Variants in ABCF1 observed in about 807,000 individuals in gnomAD.
The protein encoded by ABCF1 is ATP-binding cassette sub-family F member 1.
ABCF1 carries 73 observed loss-of-function variants against 126.3 expected under a neutral mutation model. That is an observed-to-expected ratio of 0.58 (90% confidence interval 0.48 to 0.70). ABCF1 has a LOEUF of 0.70. Among genes scored for constraint, ABCF1 ranks in the 30% least tolerant of loss-of-function variants. The probability of loss-of-function intolerance (pLI) is 0.00; values close to 1 mark genes in which losing one functional copy is unlikely to be tolerated. For missense variants in ABCF1, 786 were observed against 1,057.5 expected (o/e 0.74, Z 3.56); for synonymous variants, 345 against 396.4 (o/e 0.87, Z 1.54).
chr6:30,579,840 C>T (rs567078226), intron 6 of ABCF1, 91 bp from the exon 7 acceptor site: 4 of 1,287,974 alleles, frequency 3.1e-6, no homozygotes, highest in South Asian at 1.4e-5. Context: ...GTATGGTTAA[C>T]ACAGTAGACT....
intron 8 of ABCF1, among the ~76,000 whole-genome samples, 177 bp from the exon 9 acceptor site, chr6:30,582,217 C>T (rs1330672020): frequency 3.9e-5 from 6 of 151,948 alleles, no homozygotes; most frequent in Non-Finnish European, 8.8e-5. Context: ...CCACCACGTC[C>T]GGCTAATTTT....
chr6:30,587,288 C>T (rs781440942), intron 20 of ABCF1, among the ~76,000 whole-genome samples: 1 of 150,978 alleles, frequency 6.6e-6, no homozygotes, highest in Non-Finnish European at 1.5e-5. Flanking sequence ...TGGTGGCCCA[C>T]GCCTATAATC....
intron 8 of ABCF1, among the ~76,000 whole-genome samples, chr6:30,582,138 G>A (rs917640179): frequency 2.0e-5 from 3 of 151,512 alleles, no homozygotes; most frequent in African/African-American, 4.9e-5. Flanking sequence ...CTCACTGCAA[G>A]CTCCTCCTCC....
chr6:30,572,732 C>T (rs1428135947), intron 1 of ABCF1, among the ~76,000 whole-genome samples: 1 of 152,176 alleles, frequency 6.6e-6, no homozygotes, highest in Non-Finnish European at 1.5e-5. Flanking sequence ...AACTCCTGGG[C>T]TCAAGTAATT....
In ABCF1 at chr6:30,583,066, A is replaced by G. The variant is rs755083815; in HGVS notation, c.793A>G (p.Met265Val). ...KKEKKKLKKQ[M>V]EYERQVASLK... ...AATGTAGTTTTTCCTACCTTCTCAG[A>G]TGGAGTATGAGCGCCAAGTGGCTTC... The change falls in exon 10 of 25, where the codon ATG (methionine) becomes GTG (valine). Residue 265 changes from methionine to valine, a missense_variant and splice_region_variant. Met to Val is a conservative substitution (Grantham distance 21, BLOSUM62 1). This residue lies in a region of ABCF1 where 322 missense variants were observed against 322.9 expected (regional missense o/e 1.00). Transcript: ENST00000326195. This position sits in a 1 kb window ranked among gnomAD's most constrained non-coding sequence, Gnocchi z 4.1. 2 of 1,602,996 alleles carry G rather than the reference A, an allele frequency of 1.2e-6. No individual in the cohort carries two copies. The highest frequency in any genetic ancestry group is 1.3e-5 in the African/African-American group (1 of 74,706).
chr6:30,588,515 C>T (rs1386217775), intron 20 of ABCF1, among the ~76,000 whole-genome samples: 1 of 152,092 alleles, frequency 6.6e-6, no homozygotes, highest in Non-Finnish European at 1.5e-5. Context: ...GCGCGTGCTA[C>T]CACGCCCAGC....
chr6:30,584,889 A>G lies in ABCF1; in HGVS notation c.1391+323A>G, dbSNP rs565698458. Among the ~76,000 whole-genome samples the G allele has an allele frequency of 1.3e-5, 2 of 152,256 alleles. No homozygotes were observed. Among genetic ancestry groups the G allele is most frequent in the Admixed American group, 6.5e-5 (1 of 15,276 alleles). ...TATAGTGAGACTCTATCTTCACAAA[A>G]GGGGGAAGAAAACATATCCTAGCCT... On this transcript the variant is annotated intron_variant, in intron 14 of 24. Coordinates refer to ENST00000326195, the MANE Select transcript of ABCF1 (RefSeq NM_001025091.2). The surrounding 1 kb of genome is among the most constrained non-coding windows in gnomAD (Gnocchi z 4.6).
intron 1 of ABCF1, 150 bp from the exon 2 acceptor site, chr6:30,577,259 G>T (rs1273682803): frequency 1.0e-5 from 7 of 678,998 alleles, no homozygotes; most frequent in Non-Finnish European, 1.7e-5. Flanking sequence ...ATTTCTGCAG[G>T]AGTTGTGAGA....
Position 30,585,937 on chromosome 6 carries a change from G to A in ABCF1, c.1659G>A (p.Lys553=), listed in dbSNP as rs144173471. The A allele has an allele frequency of 1.2e-5, 19 of 1,611,102 alleles. No homozygotes were observed. The African/African-American group carries it at 2.1e-4, about 18-fold the overall frequency. ...KQKELLKQYE[K]QEKKLKELKA... ...AAGAACTGCTGAAACAGTATGAGAAGCAAGAGAAAAAGCTGAAGGAGCTGA... is the reference window on the plus strand; with the variant it reads ...AAGAACTGCTGAAACAGTATGAGAAACAAGAGAAAAAGCTGAAGGAGCTGA... Residue 553 remains lysine, a synonymous_variant, in exon 17 of 25, where the codon AAG becomes AAA. Transcript: ENST00000326195.
In ABCF1 at chr6:30,590,564, C is replaced by G; in HGVS notation, c.2401C>G (p.Leu801Val). 6.2e-7 allele frequency: 1 copy of G among 1,612,690 alleles called. No homozygotes were observed. The highest frequency in any genetic ancestry group is 8.5e-7 in the Non-Finnish European group (1 of 1,179,864). ...AVIVVSHDAR[L>V]ITETNCQLWV... Reference sequence around the variant, plus strand: ...GATCGTTGTCAGCCATGATGCCCGACTCATCACAGAAACCAATTGCCAGCT... The same window carrying G: ...GATCGTTGTCAGCCATGATGCCCGAGTCATCACAGAAACCAATTGCCAGCT... Residue 801 changes from leucine to valine, a missense_variant, in exon 25 of 25, where the codon CTC becomes GTC. Physicochemically the swap from Leu to Val is conservative, Grantham distance 32. Around this residue, in one of 4 missense-constraint regions of ABCF1, gnomAD observed 288 missense variants for 423.5 expected, o/e 0.68. Coordinates refer to ENST00000326195, the MANE Select transcript of ABCF1 (RefSeq NM_001025091.2).
At chr6:30,589,368 A>C in intron 20 of ABCF1, 1 of 385,454 alleles carries the variant, frequency 2.6e-6, no homozygotes, top group Non-Finnish European at 4.7e-6. Context: ...TCTCCTTCAG[A>C]AAAGTTGGTG....
In ABCF1 at chr6:30,571,535, G is replaced by C. The variant is rs2127400293; in HGVS notation, c.48G>C (p.Gly16=). The C allele has an allele frequency of 6.2e-7, 1 of 1,610,810 alleles. No individual in the cohort carries two copies. The highest frequency in any genetic ancestry group is 8.5e-7 in the Non-Finnish European group (1 of 1,179,596). Residue 16 remains glycine, a synonymous_variant, in exon 1 of 25, where the codon GGG becomes GGC. Coordinates refer to ENST00000326195, the MANE Select transcript of ABCF1 (RefSeq NM_001025091.2). The part of the protein sequence containing the change: ...KQQPPEPEWI[G]DGESTSPSDK... ...AGCCGCCGGAGCCCGAGTGGATCGGGGACGGAGAGAGCACGAGCCCATCAG... is the reference window on the plus strand; with the variant it reads ...AGCCGCCGGAGCCCGAGTGGATCGGCGACGGAGAGAGCACGAGCCCATCAG...
In ABCF1 at chr6:30,574,273, C is replaced by T. The variant is rs567153699; in HGVS notation, c.73+2713C>T. On this transcript the variant is annotated intron_variant, in intron 1 of 24. Coordinates refer to ENST00000326195, the MANE Select transcript of ABCF1 (RefSeq NM_001025091.2). This position sits in a 1 kb window ranked among gnomAD's most constrained non-coding sequence, Gnocchi z 4.3. ...TGTAGCTGGGACTACAGGCACACAC[C>T]GCCATGCCTGGCTTATTTTTTGTTT... 7.2e-5 allele frequency among the ~76,000 whole-genome samples: 11 copies of T among 152,174 alleles called. No homozygotes were observed. Among genetic ancestry groups the T allele is most frequent in the African/African-American group, 1.7e-4 (7 of 41,534 alleles).
intron 2 of ABCF1, 102 bp downstream of exon 2, chr6:30,577,557 T>C (rs1352429028): frequency 2.8e-6 from 4 of 1,412,826 alleles, no homozygotes; most frequent in Non-Finnish European, 3.9e-6. Flanking sequence ...GGAGAAAAGA[T>C]CTTGTCAAGA....
Position 30,583,907 on chromosome 6 carries a change from G to C in ABCF1, c.1102+17G>C. 6.2e-7 allele frequency: 1 copy of C among 1,612,388 alleles called. No homozygotes were observed. On this transcript the variant is annotated intron_variant, in intron 12 of 24. Transcript: ENST00000326195. The surrounding 1 kb of genome is among the most constrained non-coding windows in gnomAD (Gnocchi z 4.1). ...GTGAGCAGGGTGAGACCACTGGGGA[G>C]AAAAGGGGCTTGGTGGGGTGGGCAG...
At position 30,577,245 on chromosome 6, in the gene ABCF1, G is replaced by T. The variant is rs3130043; in HGVS notation, c.74-164G>T. On this transcript the variant is annotated intron_variant, in intron 1 of 24. Transcript: ENST00000326195. ...TGGATGAATGAATAGAGATGGGAAT[G>T]ATTATTTCTGCAGGAGTTGTGAGAC... Among the ~76,000 whole-genome samples, 94,180 of 152,016 alleles carry T rather than the reference G, an allele frequency of 0.62. 29,425 individuals carry two copies. The highest frequency in any genetic ancestry group is 0.79 in the South Asian group (3,828 of 4,830).
chr6:30,578,875 C>G (rs1287147548), intron 6 of ABCF1, among the ~76,000 whole-genome samples: 2 of 152,078 alleles, frequency 1.3e-5, no homozygotes, highest in African/African-American at 4.8e-5. Context: ...TGGCGTGCGC[C>G]TGTAATCCCA....
At chr6:30,577,687 G>T in intron 2 of ABCF1, 131 bp from the exon 3 acceptor site, 1 of 1,029,408 alleles carries the variant, frequency 9.7e-7, no homozygotes, top group Non-Finnish European at 1.4e-6. Context: ...TCCACAAAAA[G>T]AAAAAAAAGA....
chr6:30,574,589 C>A lies in ABCF1; in HGVS notation c.74-2820C>A, dbSNP rs1415300941. Among the ~76,000 whole-genome samples the A allele has an allele frequency of 2.0e-5, 3 of 152,284 alleles. No homozygotes were observed. The highest frequency in any genetic ancestry group is 4.8e-5 in the African/African-American group (2 of 41,550). ...CTTCAGTAGATCCTTCCTCCTAATG[C>A]CTTTAGGATTAAACTCCTTGGAATA... On this transcript the variant is annotated intron_variant, in intron 1 of 24. Transcript: ENST00000326195. The surrounding 1 kb of genome is among the most constrained non-coding windows in gnomAD (Gnocchi z 4.3).
Sources: gnomAD v4.1 joint callset for allele counts (sites outside exome capture counted in the v4.1 genomes callset) on GRCh38, gnomAD v4.1.1 for gene constraint, gnomAD v4.1.1 regional missense constraint, Gnocchi (gnomAD v3.1) non-coding constraint, MANE v1.5 for transcripts, NCBI Gene and HGNC (gene_info 2026-07-23, HGNC 2026-07-21) for gene names.